Variants in KCNH5 observed in about 807,000 individuals in gnomAD.
KCNH5 encodes the protein potassium voltage-gated channel subfamily H member 5.
A neutral mutation model predicts 96.1 loss-of-function variants in KCNH5; 46 were observed. That is an observed-to-expected ratio of 0.48 (90% CI 0.38 to 0.61). The LOEUF (loss-of-function observed/expected upper bound fraction) is 0.61, where lower values mean the gene tolerates loss of function less well. KCNH5 is among the 20% of genes least tolerant of loss of function. The pLI, the probability that KCNH5 is intolerant of heterozygous loss-of-function variation, is 0.00. For missense variants in KCNH5, 907 were observed against 1,225.8 expected (o/e 0.74, Z 3.88); for synonymous variants, 439 against 449.8 (o/e 0.98, Z 0.30).
chr14:62,733,925 T>C (rs145966988), intron 10 of KCNH5, among the ~76,000 whole-genome samples: 50 of 152,278 alleles, frequency 3.3e-4, no homozygotes, highest in Non-Finnish European at 2.5e-4. Context: ...TTCTCCACTC[T>C]CAGGACATTT....
chr14:62,979,428 G>A (rs1402212398), intron 6 of KCNH5, among the ~76,000 whole-genome samples: 1 of 151,652 alleles, frequency 6.6e-6, no homozygotes, highest in African/African-American at 2.4e-5. Flanking sequence ...CTTAAATTTG[G>A]GGGAAATAAT....
intron 8 of KCNH5, among the ~76,000 whole-genome samples, chr14:62,843,889 T>G (rs1483751760): frequency 6.6e-6 from 1 of 152,090 alleles, no homozygotes; most frequent in South Asian, 2.1e-4. Context: ...TATCTAGTAA[T>G]ACGATGAAAT....
intron 10 of KCNH5, among the ~76,000 whole-genome samples, chr14:62,768,695 A>G (rs1241675059): frequency 6.6e-6 from 1 of 152,212 alleles, no homozygotes; most frequent in African/African-American, 2.4e-5. Context: ...CTTGTTTACT[A>G]TTAAAACATG....
In KCNH5 at chr14:62,732,571, C is replaced by T. The variant is rs748629477; in HGVS notation, c.2020-24116G>A. ...TTTAACTAATATCCTCTTCTCTATC[C>T]GAAATGATTTTGTGCTGAATATATT... On this transcript the variant is annotated intron_variant, in intron 10 of 10. Coordinates refer to ENST00000322893, the MANE Select transcript of KCNH5 (RefSeq NM_139318.5). Among the ~76,000 whole-genome samples the T allele has an allele frequency of 8.6e-5, 13 of 152,028 alleles. No individual in the cohort carries two copies. In the East Asian group the frequency reaches 1.2e-3, roughly 14 times the overall value.
intron 10 of KCNH5, among the ~76,000 whole-genome samples, chr14:62,769,195 C>T (rs1885932109): frequency 6.6e-6 from 1 of 152,238 alleles, no homozygotes; most frequent in South Asian, 2.1e-4. Context: ...TGATTTCAAG[C>T]TCAAACGCCA....
intron 7 of KCNH5, among the ~76,000 whole-genome samples, chr14:62,887,578 T>C (rs970526000): frequency 7.9e-5 from 12 of 152,054 alleles, no homozygotes; most frequent in African/African-American, 2.4e-4. Context: ...TTGAGTATTA[T>C]ACAAGATTTA....
intron 1 of KCNH5, among the ~76,000 whole-genome samples, chr14:63,020,783 G>A (rs1445149112): frequency 6.6e-6 from 1 of 152,066 alleles, no homozygotes; most frequent in African/African-American, 2.4e-5. Flanking sequence ...GCATTTTGCT[G>A]CATAAAAATT....
chr14:62,916,523 AAG>A (rs1889278307), intron 7 of KCNH5, among the ~76,000 whole-genome samples: 1 of 152,220 alleles, frequency 6.6e-6, no homozygotes, highest in Non-Finnish European at 1.5e-5. Flanking sequence ...TGGTTCAATG[AAG>A]CCTTTTTATT....
intron 3 of KCNH5, among the ~76,000 whole-genome samples, chr14:63,002,812 CGT>C (rs1243554795): frequency 6.6e-6 from 1 of 152,092 alleles, no homozygotes; most frequent in East Asian, 1.9e-4. Context: ...TATGGAAGGA[CGT>C]GGCCCTTTCC....
At chr14:62,968,521 G>T (rs1047016287) in intron 6 of KCNH5, among the ~76,000 whole-genome samples, 5 of 152,144 alleles carry the variant, frequency 3.3e-5, no homozygotes, top group Non-Finnish European at 5.9e-5. Flanking sequence ...GACAGCAAAA[G>T]AATACTCATG....
intron 7 of KCNH5, among the ~76,000 whole-genome samples, chr14:62,914,615 T>A (rs1389702244): frequency 6.6e-6 from 1 of 152,188 alleles, no homozygotes; most frequent in Non-Finnish European, 1.5e-5. Flanking sequence ...ATACAAAGCA[T>A]ATTACATGTA....
chr14:62,891,222 G>C (rs961654296), intron 7 of KCNH5, among the ~76,000 whole-genome samples: 1 of 152,292 alleles, frequency 6.6e-6, no homozygotes, highest in South Asian at 2.1e-4. Flanking sequence ...ATATTATTCA[G>C]CCATAAAAAA....
At chr14:62,939,950 A>T (rs372270981) in intron 7 of KCNH5, among the ~76,000 whole-genome samples, 106 of 152,158 alleles carry the variant, frequency 7.0e-4, no homozygotes, top group African/African-American at 1.9e-3. Context: ...CAAAAAAAAA[A>T]TTTTTTCAGG....
At chr14:62,854,004 C>CAAAAA (rs548263620) in intron 7 of KCNH5, among the ~76,000 whole-genome samples, 13 of 84,210 alleles carry the variant, frequency 1.5e-4, no homozygotes, top group South Asian at 8.3e-4. Context: ...GAGACTCTGT[C>CAAAAA]AAAAAAAAAA....
intron 1 of KCNH5, among the ~76,000 whole-genome samples, chr14:63,043,631 C>T (rs1455652565): frequency 1.3e-5 from 2 of 152,194 alleles, no homozygotes; most frequent in African/African-American, 4.8e-5. Context: ...AACACTACTG[C>T]TTTAGACTTT....
Position 62,802,185 on chromosome 14 carries a change from A to G in KCNH5, c.1822+144T>C. The G allele has an allele frequency of 4.1e-6, 3 of 734,836 alleles. No homozygotes were observed. In the South Asian group the frequency reaches 5.6e-5, roughly 14 times the overall value. The allele number at this position is 734,836 out of a possible 1,614,324, so 45.5% of individuals were successfully genotyped here. A position where few individuals can be genotyped will look rare whatever the true frequency, so the allele number is the denominator to read the frequency against. On this transcript the variant is annotated intron_variant, in intron 9 of 10. Transcript: ENST00000322893. ...TGTTCTCTGCTGAAATAGCATTATT[A>G]GTTTTCATTAAGATTCACGTCTCAT...
At chr14:62,741,188 C>T (rs1022892515) in intron 10 of KCNH5, among the ~76,000 whole-genome samples, 4 of 152,058 alleles carry the variant, frequency 2.6e-5, no homozygotes, top group Non-Finnish European at 5.9e-5. Flanking sequence ...TGCACGTATT[C>T]CTTAAGAACT....
chr14:63,022,495 T>C (rs1891448017), intron 1 of KCNH5, among the ~76,000 whole-genome samples: 1 of 152,172 alleles, frequency 6.6e-6, no homozygotes, highest in Non-Finnish European at 1.5e-5. Context: ...AATTGTATCA[T>C]GTTTCCTCCC....
intron 6 of KCNH5, among the ~76,000 whole-genome samples, chr14:62,971,777 A>G (rs551282049): frequency 6.6e-6 from 1 of 152,252 alleles, no homozygotes; most frequent in East Asian, 1.9e-4. Context: ...TTCAAAAAAT[A>G]GTGATGAAAC....
Sources: gnomAD v4.1 joint callset for allele counts (sites outside exome capture counted in the v4.1 genomes callset) on GRCh38, gnomAD v4.1.1 for gene constraint, MANE v1.5 for transcripts, NCBI Gene and HGNC (gene_info 2026-07-23, HGNC 2026-07-21) for gene names.